Variants in TMEM18 observed in about 807,000 individuals in gnomAD.
TMEM18 encodes the protein transmembrane protein 18.
In TMEM18, 14 loss-of-function variants were observed where a neutral mutation model predicts 17.4. The ratio of observed to expected loss-of-function variants is 0.80; its 90% CI spans 0.53 to 1.25. TMEM18 has a LOEUF of 1.25. Among genes scored for constraint, TMEM18 ranks in the 50% most tolerant of loss-of-function variants. The probability of loss-of-function intolerance (pLI) is 0.00; values close to 1 mark genes in which losing one functional copy is unlikely to be tolerated. For synonymous variants in TMEM18, 86 were observed against 66.1 expected (o/e 1.30, Z -1.46); for missense variants, 187 against 172.1 (o/e 1.09, Z -0.48).
rs1178999672 is a variant in TMEM18 at position 666,025 on chromosome 2, G to A, written c.*3555C>T. 1.3e-5 allele frequency among the ~76,000 whole-genome samples: 2 copies of A among 152,070 alleles called. No individual in the cohort carries two copies. Among genetic ancestry groups the A allele is most frequent in the Non-Finnish European group, 2.9e-5 (2 of 68,006 alleles). On this transcript the variant is annotated 3_prime_UTR_variant, in exon 5 of 5. Coordinates refer to ENST00000281017, the MANE Select transcript of TMEM18 (RefSeq NM_152834.4). ...ATGTACAACAGAACCCCGAGATGCA[G>A]ATGCTCAGCTCACTGAGATGGAGCA...
At chr2:677,176 G>T in intron 1 of TMEM18, 113 bp downstream of exon 1, 1 of 1,379,790 alleles carries the variant, frequency 7.2e-7, no homozygotes, top group Non-Finnish European at 9.9e-7. Flanking sequence ...CCGCCACAAG[G>T]CCCCGCCCAC....
rs1424053972 is a variant in TMEM18, at chr2:666,638, C to T, written c.*2942G>A. Among the ~76,000 whole-genome samples the T allele has an allele frequency of 4.6e-5, 7 of 152,130 alleles. No homozygotes were observed. In the South Asian group the frequency reaches 8.3e-4, roughly 18 times the overall value. On this transcript the variant is annotated 3_prime_UTR_variant, in exon 5 of 5. Coordinates refer to ENST00000281017, the MANE Select transcript of TMEM18 (RefSeq NM_152834.4). ...AGCAACCAGGGCTTGGAGACATCTT[C>T]GCACCATCCTGGGACTGGGCAGCGC...
chr2:666,704 C>A lies in TMEM18; in HGVS notation c.*2876G>T, dbSNP rs573110578. Reference sequence around the variant, plus strand: ...CTTCTCTGCCCTGGCTCGCTCCCTTCCTGCCTCCGAGAACTCTGCATGTGG... The same window carrying A: ...CTTCTCTGCCCTGGCTCGCTCCCTTACTGCCTCCGAGAACTCTGCATGTGG... On this transcript the variant is annotated 3_prime_UTR_variant, in exon 5 of 5. Transcript: ENST00000281017. Among the ~76,000 whole-genome samples the A allele has an allele frequency of 6.6e-6, 1 of 152,298 alleles. No individual in the cohort carries two copies. Among genetic ancestry groups the A allele is most frequent in the East Asian group, 1.9e-4 (1 of 5,170 alleles).
chr2:676,777 C>G (rs1434809149), intron 1 of TMEM18: 3 of 847,552 alleles, frequency 3.5e-6, no homozygotes, highest in Non-Finnish European at 1.8e-6. Flanking sequence ...ACGCACGCCC[C>G]GCCGCACTGC....
chr2:677,096 C>T (rs1659272438), intron 1 of TMEM18, 193 bp downstream of exon 1: 1 of 635,676 alleles, frequency 1.6e-6, no homozygotes, highest in Non-Finnish European at 2.6e-6. Context: ...ACCCCGCCCA[C>T]AGCGCGCGCC....
intron 2 of TMEM18, 29 bp from the exon 3 acceptor site, chr2:672,891 T>A: frequency 6.7e-7 from 1 of 1,503,140 alleles, no homozygotes; most frequent in African/African-American, 1.5e-5. Flanking sequence ...CATATTAGAA[T>A]TTAGATGGCC....
At chr2:670,126 G>A (rs1215190175) in intron 3 of TMEM18, 3 of 389,168 alleles carry the variant, frequency 7.7e-6, no homozygotes, top group East Asian at 5.2e-5. Context: ...GCAGAGAGAC[G>A]TCACCCTGCA....
At chr2:675,096 T>C (rs570378826) in intron 2 of TMEM18, among the ~76,000 whole-genome samples, 2 of 152,266 alleles carry the variant, frequency 1.3e-5, no homozygotes, top group Non-Finnish European at 2.9e-5. Context: ...TCTGTAGCCC[T>C]TATCCTTGAA....
intron 1 of TMEM18, 25 bp downstream of exon 1, chr2:677,264 G>C: frequency 6.2e-7 from 1 of 1,606,004 alleles, no homozygotes; most frequent in Non-Finnish European, 8.5e-7. Flanking sequence ...CCCCCGAACT[G>C]GTGGTTACGC....
chr2:668,631 C>G lies in TMEM18; in HGVS notation c.*949G>C, dbSNP rs1678754671. On this transcript the variant is annotated 3_prime_UTR_variant, in exon 5 of 5. Coordinates refer to ENST00000281017, the MANE Select transcript of TMEM18 (RefSeq NM_152834.4). ...TTATTGAACACCTATTTTTAAATAT[C>G]TGGGTCTCTAACCACCTGTCATTCT... The G allele has an allele frequency of 1.3e-5, 2 of 152,340 alleles. No individual in the cohort carries two copies. Among genetic ancestry groups the G allele is most frequent in the South Asian group, 4.1e-4 (2 of 4,822 alleles). The allele number at this position is 152,340 out of a possible 1,614,324, so 9.4% of individuals were successfully genotyped here. A position where few individuals can be genotyped will look rare whatever the true frequency, so the allele number is the denominator to read the frequency against.
chr2:676,214 T>A, intron 1 of TMEM18: 1 of 1,384,902 alleles, frequency 7.2e-7, no homozygotes, highest in Non-Finnish European at 9.6e-7. Context: ...CGCCGCCTCC[T>A]GGACTCCCCG....
intron 1 of TMEM18, 34 bp downstream of exon 1, chr2:677,255 C>T: frequency 4.4e-6 from 7 of 1,600,502 alleles, no homozygotes; most frequent in Non-Finnish European, 6.0e-6. Context: ...CGCCGTCCTC[C>T]CCCGAACTGG....
intron 3 of TMEM18, 44 bp from the exon 4 acceptor site, chr2:669,894 A>T: frequency 6.8e-7 from 1 of 1,478,694 alleles, no homozygotes; most frequent in Non-Finnish European, 9.3e-7. Flanking sequence ...CAATACAACC[A>T]AAAAGTTCTA....
chr2:677,009 C>T (rs1465940188), intron 1 of TMEM18, among the ~76,000 whole-genome samples: 3 of 150,734 alleles, frequency 2.0e-5, no homozygotes, highest in Admixed American at 1.3e-4. Context: ...CCCGCCCCTC[C>T]CCGCCCAACG....
rs944641955 is a variant in TMEM18, at chr2:667,033, A to G, written c.*2547T>C. Reference sequence around the variant, plus strand: ...CCAGCCCTTTTTTTTTTTTTTTAACATTTATTATTTTGTAAAGGGCAAGAA... The same window carrying G: ...CCAGCCCTTTTTTTTTTTTTTTAACGTTTATTATTTTGTAAAGGGCAAGAA... On this transcript the variant is annotated 3_prime_UTR_variant, in exon 5 of 5. Transcript: ENST00000281017. Among the ~76,000 whole-genome samples the G allele has an allele frequency of 1.0e-4, 14 of 138,378 alleles. No individual in the cohort carries two copies. Among genetic ancestry groups the G allele is most frequent in the African/African-American group, 3.8e-4 (14 of 37,032 alleles). The allele number at this position is 138,378 out of a possible 152,430, so 90.8% of individuals were successfully genotyped here. A position where few individuals can be genotyped will look rare whatever the true frequency, so the allele number is the denominator to read the frequency against.
At chr2:675,377 T>G in intron 2 of TMEM18, 133 bp downstream of exon 2, 1 of 1,349,920 alleles carries the variant, frequency 7.4e-7, no homozygotes, top group Non-Finnish European at 1.0e-6. Flanking sequence ...GGGAGTGCCC[T>G]GGGAGCAGGC....
At chr2:673,014 G>A in intron 2 of TMEM18, 152 bp from the exon 3 acceptor site, 1 of 728,818 alleles carries the variant, frequency 1.4e-6, no homozygotes, top group Non-Finnish European at 2.1e-6. Context: ...TCAAGTCGTA[G>A]GACTCACCCA....
rs1021372750 is a variant in TMEM18 at position 676,897 on chromosome 2, G to A, written c.57+392C>T. ...CCTCGCGCTCCGCCCACACAACTCA[G>A]CCACGCCCGCACGGTGCAGGACGCC... On this transcript the variant is annotated intron_variant, in intron 1 of 4. Coordinates refer to ENST00000281017, the MANE Select transcript of TMEM18 (RefSeq NM_152834.4). 1.2e-5 allele frequency: 7 copies of A among 573,580 alleles called. No homozygotes were observed. In the Admixed American group the frequency reaches 1.9e-4, roughly 16 times the overall value. 35.5% of individuals were successfully genotyped at this position (573,580 alleles called of 1,614,324 possible).
intron 1 of TMEM18, 120 bp downstream of exon 1, chr2:677,169 C>T (rs1659278862): frequency 7.4e-7 from 1 of 1,344,908 alleles, no homozygotes; most frequent in Non-Finnish European, 1.0e-6. Flanking sequence ...GCGCGCTCCG[C>T]CACAAGGCCC....
Sources: allele counts gnomAD v4.1 joint callset (sites outside exome capture counted in the v4.1 genomes callset), GRCh38; gene constraint gnomAD v4.1.1; transcripts MANE v1.5; gene names NCBI Gene and HGNC (gene_info 2026-07-23, HGNC 2026-07-21).